The following CHIT1 variants were observed in gnomAD, a reference collection of about 807,000 sequenced individuals.
CHIT1 encodes the protein chitinase 1, also known as chitotriosidase-1.
Under a neutral mutation model 52.0 loss-of-function variants are expected in CHIT1, and 47 were observed. The observed-to-expected ratio is 0.90, with a 90% CI of 0.71 to 1.15. The LOEUF (loss-of-function observed/expected upper bound fraction) is 1.15. CHIT1 is among the 50% of genes most tolerant of loss of function. CHIT1 has a pLI of 0.00. For synonymous variants in CHIT1, 242 were observed against 228.2 expected (o/e 1.06, Z -0.54); for missense variants, 569 against 583.0 (o/e 0.98, Z 0.25).
rs1245677467 is a variant in CHIT1 at position 203,216,617 on chromosome 1, T to A, written c.*272A>T. The A allele has an allele frequency of 5.6e-6, 3 of 537,600 alleles. No individual in the cohort carries two copies. The Admixed American group carries it at 6.7e-5, about 12-fold the overall frequency. 33.3% of individuals were successfully genotyped at this position (537,600 alleles called of 1,614,324 possible). On this transcript the variant is annotated 3_prime_UTR_variant, in exon 11 of 11. Coordinates refer to ENST00000367229, the MANE Select transcript of CHIT1 (RefSeq NM_003465.3). Reference sequence around the variant, plus strand: ...CACCTGGCTCTGACCTGCGGATGTTTTGGAGTCAACAGTGTGCTTAGAGAG... The same window carrying A: ...CACCTGGCTCTGACCTGCGGATGTTATGGAGTCAACAGTGTGCTTAGAGAG...
Position 203,219,308 on chromosome 1 carries a change from T to C in CHIT1, c.937A>G (p.Thr313Ala). The C allele has an allele frequency of 6.2e-7, 1 of 1,611,090 alleles. No individual in the cohort carries two copies. Among genetic ancestry groups the C allele is most frequent in the South Asian group, 1.1e-5 (1 of 91,032 alleles). The change falls in exon 9 of 11, where the codon ACC becomes GCC. Residue 313 changes from threonine to alanine, a missense_variant. By Grantham distance (58) the Thr-to-Ala change is moderately conservative (BLOSUM62 0). Transcript: ENST00000367229. The stretch of plus-strand genomic sequence containing the variant: ...TTCTGATCCTGGATTCTCTGTTTGG[T>C]GGCCCCCTTCCAGGAGCAGACCTGT... ...YYEVCSWKGA[T>A]KQRIQDQKVP... is the part of the protein sequence containing the mutation.
At chr1:203,226,065 G>A (rs1354866225) in intron 2 of CHIT1, among the ~76,000 whole-genome samples, 195 bp from the exon 3 acceptor site, 1 of 152,178 alleles carries the variant, frequency 6.6e-6, no homozygotes, top group Non-Finnish European at 1.5e-5. Context: ...ATTTTCAGAG[G>A]CCAGACATGG....
chr1:203,223,707 G>C (rs779329649), intron 4 of CHIT1, 47 bp from the exon 5 acceptor site: 4 of 1,594,316 alleles, frequency 2.5e-6, no homozygotes, highest in Non-Finnish European at 3.4e-6. Context: ...GACCAGACAG[G>C]AGGCCACTCT....
intron 2 of CHIT1, among the ~76,000 whole-genome samples, chr1:203,227,087 C>T (rs3766536): frequency 0.2 from 29,914 of 152,096 alleles, 2,988 homozygotes; most frequent in East Asian, 0.22. Flanking sequence ...CCCACATGGA[C>T]AGGGATGGGA....
Position 203,225,583 on chromosome 1 carries a change from A to C in CHIT1, c.257+86T>G, listed in dbSNP as rs551371151. 5.9e-6 allele frequency: 8 copies of C among 1,345,856 alleles called. No individual in the cohort carries two copies. In the East Asian group the frequency reaches 1.9e-4, roughly 31 times the overall value. 83.4% of individuals were successfully genotyped at this position (1,345,856 alleles called of 1,614,324 possible). A position where few individuals can be genotyped will look rare whatever the true frequency, so the allele number is the denominator to read the frequency against. On this transcript the variant is annotated intron_variant, in intron 3 of 10. Coordinates refer to ENST00000367229, the MANE Select transcript of CHIT1 (RefSeq NM_003465.3). ...CACAGTGGGTCTGTGGCAGGACCTT[A>C]GTGCTGGAGAGGTGTCTGGCTCTGG... is the stretch of plus-strand genomic sequence containing the variant.
chr1:203,226,145 G>T (rs1656921541), intron 2 of CHIT1, among the ~76,000 whole-genome samples: 1 of 152,210 alleles, frequency 6.6e-6, no homozygotes. Context: ...GCAAGTTGAG[G>T]CTCACGAGCT....
intron 6 of CHIT1, 152 bp downstream of exon 6, chr1:203,222,983 C>T (rs1470528033): frequency 3.9e-6 from 4 of 1,032,360 alleles, no homozygotes; most frequent in South Asian, 2.5e-5. Flanking sequence ...AGTACAAAAG[C>T]AGGGAATTTT....
chr1:203,219,900 T>C, intron 7 of CHIT1, 51 bp from the exon 8 acceptor site: 1 of 1,601,114 alleles, frequency 6.2e-7, no homozygotes, highest in South Asian at 1.1e-5. Flanking sequence ...CTGGTTCTGA[T>C]TATCTAAGTC....
At chr1:203,228,944 A>G (rs1168070809) in intron 1 of CHIT1, among the ~76,000 whole-genome samples, 1 of 152,200 alleles carries the variant, frequency 6.6e-6, no homozygotes, top group Non-Finnish European at 1.5e-5. Context: ...GAAAGAATCA[A>G]TCTGGAAGGG....
At chr1:203,218,789 A>C (rs778931150) in intron 9 of CHIT1, among the ~76,000 whole-genome samples, 12 of 152,152 alleles carry the variant, frequency 7.9e-5, no homozygotes, top group Non-Finnish European at 1.3e-4. Flanking sequence ...AGGAGCTAAC[A>C]GTTTCACAGG....
chr1:203,217,214 T>C, intron 10 of CHIT1, 81 bp from the exon 11 acceptor site: 1 of 1,596,596 alleles, frequency 6.3e-7, no homozygotes, highest in South Asian at 1.1e-5. Flanking sequence ...GCAGCAACCA[T>C]TGGCTGGCAG....
At chr1:203,218,237 G>GGTAAC in intron 9 of CHIT1, 1 of 423,752 alleles carries the variant, frequency 2.4e-6, no homozygotes, top group Non-Finnish European at 3.5e-6. Flanking sequence ...GTCAAGGTAA[G>GGTAAC]TCCAGTTACC....
rs1214048425 is a variant in CHIT1, at chr1:203,228,567, A to C, written c.26-5T>G. The C allele has an allele frequency of 6.3e-7, 1 of 1,584,240 alleles. No individual in the cohort carries two copies. The highest frequency in any genetic ancestry group is 2.3e-5 in the East Asian group (1 of 43,406). On this transcript the variant is annotated splice_region_variant and splice_polypyrimidine_tract_variant and intron_variant, in intron 1 of 10. Transcript: ENST00000367229. ...TCATCAGCAGGACCATGAAACCTGGAGCAACACAAGAGAGAAGGCCAGGGT... is the reference window on the plus strand; with the variant it reads ...TCATCAGCAGGACCATGAAACCTGGCGCAACACAAGAGAGAAGGCCAGGGT...
In CHIT1 at chr1:203,216,764, A is replaced by G. The variant is rs1656543539; in HGVS notation, c.*125T>C. 1 of 1,310,444 alleles carries G rather than the reference A, an allele frequency of 7.6e-7. No individual in the cohort carries two copies. The highest frequency in any genetic ancestry group is 1.4e-5 in the African/African-American group (1 of 69,154). 81.2% of individuals were successfully genotyped at this position (1,310,444 alleles called of 1,614,324 possible). On this transcript the variant is annotated 3_prime_UTR_variant, in exon 11 of 11. Transcript: ENST00000367229. ...GCAAGGCTGAGAGCAGAAAGCCTGG[A>G]TAAAGGAAGACCACAGAAAGGCCTG...
At chr1:203,221,232 T>C (rs1656718998) in intron 7 of CHIT1, among the ~76,000 whole-genome samples, 1 of 152,242 alleles carries the variant, frequency 6.6e-6, no homozygotes, top group East Asian at 1.9e-4. Flanking sequence ...TTTTCTTTGT[T>C]GTTTGGTTTT....
At position 203,217,027 on chromosome 1, in the gene CHIT1, C is replaced by T. The variant is rs1225322265; in HGVS notation, c.1263G>A (p.Gln421=). 3 of 1,614,174 alleles carry T rather than the reference C, an allele frequency of 1.9e-6. No individual in the cohort carries two copies. The highest frequency in any genetic ancestry group is 1.3e-5 in the African/African-American group (1 of 75,072). ...GPSPGQDTFC[Q]GKADGLYPNP... is the part of the protein sequence containing the mutation. The stretch of plus-strand genomic sequence containing the variant: ...TGGGATAGAGCCCATCAGCTTTGCC[C>T]TGGCAGAACGTGTCTTGTCCAGGGC... The change falls in exon 11 of 11, where the codon CAG becomes CAA. Residue 421 remains glutamine, a synonymous_variant. Transcript: ENST00000367229.
chr1:203,225,595 G>T (rs937839379), intron 3 of CHIT1, 74 bp downstream of exon 3: 1 of 1,456,006 alleles, frequency 6.9e-7, no homozygotes, highest in Middle Eastern at 2.0e-4. Context: ...TGCTGGAGAG[G>T]TGTCTGGCTC....
At chr1:203,229,070 C>T (rs576683160) in intron 1 of CHIT1, among the ~76,000 whole-genome samples, 1 of 152,248 alleles carries the variant, frequency 6.6e-6, no homozygotes, top group African/African-American at 2.4e-5. Context: ...CCTTGGAGAC[C>T]TAGGGTCTGA....
At chr1:203,223,410 G>A in intron 5 of CHIT1, 85 bp downstream of exon 5, 2 of 1,597,370 alleles carry the variant, frequency 1.3e-6, no homozygotes, top group Non-Finnish European at 1.7e-6. Flanking sequence ...TGGCTCTGGG[G>A]GCAGAGCAGC....
Sources: allele counts gnomAD v4.1 joint callset (sites outside exome capture counted in the v4.1 genomes callset), GRCh38; gene constraint gnomAD v4.1.1; transcripts MANE v1.5; gene names NCBI Gene and HGNC (gene_info 2026-07-23, HGNC 2026-07-21).